Variants in DIP2B observed in about 807,000 individuals in gnomAD.
DIP2B encodes disco-interacting protein 2 homolog B.
A neutral mutation model predicts 198.0 loss-of-function variants in DIP2B; 76 were observed. The observed-to-expected ratio is 0.38, with a 90% confidence interval of 0.32 to 0.46. The LOEUF is 0.46. Among genes scored for constraint, DIP2B ranks in the 20% least tolerant of loss-of-function variants. The pLI is 0.99. For synonymous variants in DIP2B, 701 were observed against 739.1 expected (o/e 0.95, Z 0.84); for missense variants, 1,559 against 1,978.4 (o/e 0.79, Z 4.02).
At chr12:50,559,510 G>A (rs1257209717) in intron 1 of DIP2B, among the ~76,000 whole-genome samples, 1 of 152,070 alleles carries the variant, frequency 6.6e-6, no homozygotes, top group African/African-American at 2.4e-5. Context: ...GGAGGCTAAT[G>A]TGGGAGGATT....
chr12:50,568,501 C>T (rs150070941), intron 1 of DIP2B, among the ~76,000 whole-genome samples: 16 of 152,302 alleles, frequency 1.1e-4, no homozygotes, highest in Admixed American at 3.3e-4. Context: ...GAATTTCTGT[C>T]AGCATTTTTA....
chr12:50,658,659 T>A (rs757070733), intron 3 of DIP2B, among the ~76,000 whole-genome samples: 2 of 152,244 alleles, frequency 1.3e-5, no homozygotes, highest in Non-Finnish European at 2.9e-5. Flanking sequence ...ACCTAGTATC[T>A]GATAATAAGG....
chr12:50,526,889 G>A (rs992301116), intron 1 of DIP2B, among the ~76,000 whole-genome samples: 2 of 152,000 alleles, frequency 1.3e-5, no homozygotes, highest in Non-Finnish European at 1.5e-5. Flanking sequence ...GACTACCCCG[G>A]TCCCCCAAAG....
intron 3 of DIP2B, among the ~76,000 whole-genome samples, chr12:50,658,917 C>T (rs1475395799): frequency 1.3e-5 from 2 of 151,924 alleles, no homozygotes; most frequent in African/African-American, 4.8e-5. Context: ...TGAAACCCCA[C>T]CTCTACTAAA....
Position 50,723,317 on chromosome 12 carries a change from T to G in DIP2B, c.3282T>G (p.Ile1094Met), listed in dbSNP as rs536039018. ...CCACGCTGCCCACTGTCCGAATGAT[T>G]GTTGATGTAAGTACCAGCTGTATCT... ...LTATLPTVRM[I>M]VDVSKAACIL... Residue 1094 changes from isoleucine to methionine, a missense_variant, in exon 27 of 38, where the codon ATT becomes ATG. Ile to Met is a conservative substitution (Grantham distance 10). Transcript: ENST00000301180. 363 of 1,614,140 alleles carry G rather than the reference T, an allele frequency of 2.2e-4. 1 individual carries two copies. The South Asian group carries it at 3.6e-3, about 16-fold the overall frequency.
At chr12:50,583,609 G>A (rs888380016) in intron 1 of DIP2B, among the ~76,000 whole-genome samples, 32 of 152,120 alleles carry the variant, frequency 2.1e-4, no homozygotes, top group African/African-American at 7.0e-4. Flanking sequence ...GTGGGGTAAC[G>A]TACTGATAAA....
At chr12:50,583,087 A>G (rs1958739801) in intron 1 of DIP2B, among the ~76,000 whole-genome samples, 1 of 152,232 alleles carries the variant, frequency 6.6e-6, no homozygotes, top group Non-Finnish European at 1.5e-5. Context: ...CCATGTAGAC[A>G]TAACCACAAG....
rs142536204 is a variant in DIP2B, at chr12:50,623,437, ACTCTCT to A, written c.101-2511_101-2506del. On this transcript the variant is annotated intron_variant, in intron 1 of 37. Coordinates refer to ENST00000301180, the MANE Select transcript of DIP2B (RefSeq NM_173602.3). ...CACACACACACACACACACACACACACTCTCTCTCTCTCTCTCTCTCTCTCTCTCTC... is the reference window on the plus strand; with the variant it reads ...CACACACACACACACACACACACACACTCTCTCTCTCTCTCTCTCTCTCTC... Among the ~76,000 whole-genome samples the A allele has an allele frequency of 5.4e-3, 309 of 57,068 alleles. 3 individuals carry two copies. Among genetic ancestry groups the A allele is most frequent in the African/African-American group, 0.021 (288 of 13,410 alleles). 37.4% of individuals were successfully genotyped at this position (57,068 alleles called of 152,430 possible).
At chr12:50,631,168 A>T (rs1030104875) in intron 2 of DIP2B, among the ~76,000 whole-genome samples, 68 of 151,384 alleles carry the variant, frequency 4.5e-4, no homozygotes, top group Admixed American at 2.0e-4. Flanking sequence ...TCTGTCGCCC[A>T]GGCTGGAGTG....
Position 50,748,254 on chromosome 12 carries a change from C to A in DIP2B, c.*3415C>A, listed in dbSNP as rs1940367205. ...CCTCATCCTCAAACTCCAACAAGAT[C>A]TATGCCTTAGTGTTGTTTTTGTTGT... is the stretch of plus-strand genomic sequence containing the variant. On this transcript the variant is annotated 3_prime_UTR_variant, in exon 38 of 38. Transcript: ENST00000301180. The A allele has an allele frequency of 6.6e-6, 1 of 152,634 alleles. No homozygotes were observed. Among genetic ancestry groups the A allele is most frequent in the Non-Finnish European group, 1.5e-5 (1 of 68,038 alleles). The allele number at this position is 152,634 out of a possible 1,614,324, so 9.5% of individuals were successfully genotyped here. A position where few individuals can be genotyped will look rare whatever the true frequency, so the allele number is the denominator to read the frequency against.
chr12:50,611,581 G>A (rs1054984756), intron 1 of DIP2B, among the ~76,000 whole-genome samples: 1 of 152,134 alleles, frequency 6.6e-6, no homozygotes, highest in Non-Finnish European at 1.5e-5. Context: ...TTTGTTGACT[G>A]TGTGATCCAG....
intron 1 of DIP2B, among the ~76,000 whole-genome samples, chr12:50,566,170 G>A (rs1958561613): frequency 6.6e-6 from 1 of 152,110 alleles, no homozygotes; most frequent in Non-Finnish European, 1.5e-5. Flanking sequence ...AGCTTCCTGA[G>A]TAGCTGAGAC....
intron 1 of DIP2B, among the ~76,000 whole-genome samples, chr12:50,519,152 T>A (rs1335918098): frequency 6.6e-6 from 1 of 152,238 alleles, no homozygotes; most frequent in African/African-American, 2.4e-5. Context: ...AATTTGTTAT[T>A]TCTTACCATG....
At chr12:50,735,921 A>C (rs1940131314) in intron 34 of DIP2B, among the ~76,000 whole-genome samples, 1 of 152,216 alleles carries the variant, frequency 6.6e-6, no homozygotes, top group Non-Finnish European at 1.5e-5. Context: ...CTGTGGGAGT[A>C]AGATTTCTTA....
intron 1 of DIP2B, among the ~76,000 whole-genome samples, chr12:50,592,832 T>A (rs1958831557): frequency 1.3e-5 from 2 of 152,192 alleles, no homozygotes. Flanking sequence ...TTTTATAAGA[T>A]CGTGCACCTG....
chr12:50,679,704 ACATTT>A (rs1430288734), intron 8 of DIP2B: 13 of 152,266 alleles, frequency 8.5e-5, no homozygotes, highest in Non-Finnish European at 1.6e-4. Flanking sequence ...AGCTGTATAT[ACATTT>A]CATTCATATA....
chr12:50,681,690 A>G (rs145131539), intron 9 of DIP2B, among the ~76,000 whole-genome samples: 798 of 152,280 alleles, frequency 5.2e-3, no homozygotes, highest in African/African-American at 0.019. Flanking sequence ...CAACTACACA[A>G]TAGACTTATT....
At chr12:50,542,163 G>A (rs367774543) in intron 1 of DIP2B, among the ~76,000 whole-genome samples, 21 of 150,622 alleles carry the variant, frequency 1.4e-4, no homozygotes, top group African/African-American at 5.1e-4. Flanking sequence ...CAGGAGAATG[G>A]CGTGAACCCG....
At chr12:50,505,307 C>A in intron 1 of DIP2B, 67 bp downstream of exon 1, 1 of 1,298,506 alleles carries the variant, frequency 7.7e-7, no homozygotes, top group Non-Finnish European at 1.0e-6. Context: ...GAGACAGGTC[C>A]CCGCCGCGCG....
Sources: gnomAD v4.1 joint callset for allele counts (sites outside exome capture counted in the v4.1 genomes callset) on GRCh38, gnomAD v4.1.1 for gene constraint, MANE v1.5 for transcripts, NCBI Gene and HGNC (gene_info 2026-07-23, HGNC 2026-07-21) for gene names.